The following ZFAND3 variants were observed in gnomAD, a reference collection of about 807,000 sequenced individuals.
The protein encoded by ZFAND3 is AN1-type zinc finger protein 3.
Under a neutral mutation model 29.6 loss-of-function variants are expected in ZFAND3, and 10 were observed. That is an observed-to-expected ratio of 0.34 (90% CI 0.21 to 0.57). The LOEUF (loss-of-function observed/expected upper bound fraction) is 0.57, where lower values mean the gene tolerates loss of function less well. Ranked by LOEUF, ZFAND3 falls within the 20% of genes least tolerant of loss-of-function variation. The pLI is 0.86. For synonymous variants in ZFAND3, 128 were observed against 112.6 expected (o/e 1.14, Z -0.87); for missense variants, 230 against 304.5 (o/e 0.76, Z 1.82).
At chr6:37,963,677 C>T (rs1762240170) in intron 2 of ZFAND3, among the ~76,000 whole-genome samples, 1 of 152,012 alleles carries the variant, frequency 6.6e-6, no homozygotes. Context: ...AATACCTTCT[C>T]TTTATGATAG....
intron 1 of ZFAND3, among the ~76,000 whole-genome samples, chr6:37,874,344 C>T (rs1004945921): frequency 3.9e-5 from 6 of 152,018 alleles, no homozygotes; most frequent in South Asian, 2.1e-4. Context: ...GGAGAAACCT[C>T]GCGTCTATTA....
chr6:37,986,778 A>C (rs1033555315), intron 2 of ZFAND3, among the ~76,000 whole-genome samples: 1 of 152,214 alleles, frequency 6.6e-6, no homozygotes, highest in South Asian at 2.1e-4. Flanking sequence ...TCCATACTTA[A>C]CCAGGAAGGA....
At chr6:37,907,061 T>G (rs1303743338) in intron 1 of ZFAND3, among the ~76,000 whole-genome samples, 2 of 152,200 alleles carry the variant, frequency 1.3e-5, no homozygotes, top group East Asian at 3.9e-4. Flanking sequence ...GTATTTTTTT[T>G]TGTAGAAATG....
chr6:37,856,482 C>CA (rs1391878987), intron 1 of ZFAND3, among the ~76,000 whole-genome samples: 5 of 152,166 alleles, frequency 3.3e-5, no homozygotes, highest in Non-Finnish European at 5.9e-5. Context: ...AGATTACACT[C>CA]AAAATTCCAC....
intron 1 of ZFAND3, among the ~76,000 whole-genome samples, chr6:37,849,590 A>C (rs1231083424): frequency 6.6e-6 from 1 of 151,944 alleles, no homozygotes; most frequent in Non-Finnish European, 1.5e-5. Context: ...TTGTATTTTT[A>C]GTAGAGACGG....
At chr6:37,960,901 G>T (rs981483377) in intron 2 of ZFAND3, among the ~76,000 whole-genome samples, 1 of 151,878 alleles carries the variant, frequency 6.6e-6, no homozygotes, top group Non-Finnish European at 1.5e-5. Context: ...GCAACATAAT[G>T]AGACCCCACC....
intron 3 of ZFAND3, among the ~76,000 whole-genome samples, chr6:38,072,736 C>T (rs1764480833): frequency 6.6e-6 from 1 of 152,168 alleles, no homozygotes. Flanking sequence ...TTGTGAACTT[C>T]TTTCTGAAAA....
At chr6:38,026,180 C>T (rs937457944) in intron 2 of ZFAND3, among the ~76,000 whole-genome samples, 1 of 152,120 alleles carries the variant, frequency 6.6e-6, no homozygotes, top group Non-Finnish European at 1.5e-5. Flanking sequence ...CCCCTAAATA[C>T]ACTTACATCC....
chr6:37,844,504 AC>A (rs1453105758), intron 1 of ZFAND3, among the ~76,000 whole-genome samples: 3 of 145,250 alleles, frequency 2.1e-5, no homozygotes, highest in Non-Finnish European at 3.0e-5. Flanking sequence ...GATGGTCTTG[AC>A]CTCCTGACCT....
chr6:37,985,891 A>T (rs1283080459), intron 2 of ZFAND3, among the ~76,000 whole-genome samples: 1 of 152,216 alleles, frequency 6.6e-6, no homozygotes, highest in Non-Finnish European at 1.5e-5. Context: ...GTCTCTTTTT[A>T]TGCCTGAAAT....
chr6:37,977,777 G>GTTTT lies in ZFAND3; in HGVS notation c.112+47789_112+47792dup, dbSNP rs750389527. On this transcript the variant is annotated intron_variant, in intron 2 of 5. Transcript: ENST00000287218. ...TTATTTCTGGTTTGCTGAGTTTTTTGTTTTTTTTTTTTTTCAAATGAAGAA... is the reference window on the plus strand; with the variant it reads ...TTATTTCTGGTTTGCTGAGTTTTTTGTTTTTTTTTTTTTTTTTTCAAATGAAGAA... Among the ~76,000 whole-genome samples the GTTTT allele has an allele frequency of 1.7e-5, 2 of 115,740 alleles. 1 individual carries two copies. The highest frequency in any genetic ancestry group is 3.4e-5 in the Non-Finnish European group (2 of 57,976). 75.9% of individuals were successfully genotyped at this position (115,740 alleles called of 152,430 possible).
intron 5 of ZFAND3, among the ~76,000 whole-genome samples, chr6:38,150,699 A>C (rs1439285997): frequency 3.3e-5 from 5 of 152,162 alleles, no homozygotes; most frequent in African/African-American, 1.2e-4. Context: ...GAAGTTGAGG[A>C]TGTGAGGAGG....
At chr6:37,945,850 G>T (rs1561942687) in intron 2 of ZFAND3, among the ~76,000 whole-genome samples, 1 of 152,164 alleles carries the variant, frequency 6.6e-6, no homozygotes, top group African/African-American at 2.4e-5. Context: ...AATACTCTGA[G>T]TTTATGAAAA....
chr6:37,932,784 C>T (rs1381146198), intron 2 of ZFAND3, among the ~76,000 whole-genome samples: 1 of 152,182 alleles, frequency 6.6e-6, no homozygotes, highest in East Asian at 1.9e-4. Context: ...GTCTCGTGAT[C>T]TGTGTCTATT....
chr6:37,993,536 A>G (rs1762797007), intron 2 of ZFAND3, among the ~76,000 whole-genome samples: 1 of 152,078 alleles, frequency 6.6e-6, no homozygotes, highest in African/African-American at 2.4e-5. Flanking sequence ...CATGTTGGCC[A>G]GGCTGGTCTT....
chr6:37,918,942 GA>G (rs1183145629), intron 1 of ZFAND3, among the ~76,000 whole-genome samples: 15 of 123,932 alleles, frequency 1.2e-4, no homozygotes, highest in African/African-American at 4.6e-4. Flanking sequence ...TTCAAAACAT[GA>G]AAAATGCCTT....
chr6:37,903,403 A>G (rs1460305212), intron 1 of ZFAND3, among the ~76,000 whole-genome samples: 1 of 152,208 alleles, frequency 6.6e-6, no homozygotes, highest in Non-Finnish European at 1.5e-5. Context: ...GGTCATCTAG[A>G]TTACCACATT....
chr6:37,997,068 T>C (rs1418611154), intron 2 of ZFAND3, among the ~76,000 whole-genome samples: 2 of 152,206 alleles, frequency 1.3e-5, no homozygotes, highest in African/African-American at 4.8e-5. Flanking sequence ...GCCTTTATTA[T>C]GTGAATTAGG....
At chr6:37,892,383 G>C (rs1397267551) in intron 1 of ZFAND3, among the ~76,000 whole-genome samples, 1 of 152,158 alleles carries the variant, frequency 6.6e-6, no homozygotes, top group Admixed American at 6.5e-5. Context: ...CTTGAGCCCA[G>C]GAATTTGAGG....
Sources: gnomAD v4.1 joint callset for allele counts (sites outside exome capture counted in the v4.1 genomes callset) on GRCh38, gnomAD v4.1.1 for gene constraint, MANE v1.5 for transcripts, NCBI Gene and HGNC (gene_info 2026-07-23, HGNC 2026-07-21) for gene names.